Variants in ARB2A observed in about 807,000 individuals in gnomAD.
ARB2A encodes the protein ARB2 cotranscriptional regulator A.
the ARB2A span, among the ~76,000 whole-genome samples, chr5:93,939,368 T>C: frequency 6.6e-6 from 1 of 152,122 alleles, no homozygotes; most frequent in Non-Finnish European, 1.5e-5. Context: ...ATAATGGAAA[T>C]ACATAAATGC....
the ARB2A span, chr5:93,958,642 C>T: frequency 1.7e-6 from 1 of 600,948 alleles, no homozygotes; most frequent in Non-Finnish European, 2.5e-6. Context: ...AATAATCTTT[C>T]ATACAAGTAA....
chr5:93,923,866 T>C, the ARB2A span, among the ~76,000 whole-genome samples: 1 of 152,132 alleles, frequency 6.6e-6, no homozygotes, highest in Non-Finnish European at 1.5e-5. Flanking sequence ...GCACACCCTT[T>C]AAGTGAAACA....
At chr5:93,869,447 C>T in the ARB2A span, among the ~76,000 whole-genome samples, 1 of 152,106 alleles carries the variant, frequency 6.6e-6, no homozygotes, top group Non-Finnish European at 1.5e-5. Flanking sequence ...CAGAAATAGT[C>T]ATGGACAGAG....
chr5:94,069,434 G>A, the ARB2A span, among the ~76,000 whole-genome samples: 1 of 151,780 alleles, frequency 6.6e-6, no homozygotes, highest in Admixed American at 6.6e-5. Context: ...AAGACAAATG[G>A]GACTACATTA....
chr5:93,681,882 G>C, the ARB2A span, among the ~76,000 whole-genome samples: 1 of 152,078 alleles, frequency 6.6e-6, no homozygotes, highest in Non-Finnish European at 1.5e-5. Flanking sequence ...ATACAGAGTG[G>C]TTTACAAAAA....
chr5:94,040,417 A>C, the ARB2A span, among the ~76,000 whole-genome samples: 1 of 151,568 alleles, frequency 6.6e-6, no homozygotes, highest in African/African-American at 2.4e-5. Flanking sequence ...GGTTTGTTAC[A>C]TATGTATACA....
At chr5:93,635,592 AC>A in the ARB2A span, among the ~76,000 whole-genome samples, 1 of 151,250 alleles carries the variant, frequency 6.6e-6, no homozygotes, top group Non-Finnish European at 1.5e-5. Flanking sequence ...GGCGTGTACC[AC>A]CACACCTAGC....
chr5:93,891,579 C>T, the ARB2A span, among the ~76,000 whole-genome samples: 1 of 152,044 alleles, frequency 6.6e-6, no homozygotes. Context: ...CAAATGTATA[C>T]TCCAATTCTC....
the ARB2A span, among the ~76,000 whole-genome samples, chr5:93,729,616 C>T: frequency 5.3e-5 from 8 of 151,948 alleles, no homozygotes; most frequent in East Asian, 5.8e-4. Context: ...TGTGTATGTA[C>T]GTTTTTAGGA....
the ARB2A span, among the ~76,000 whole-genome samples, chr5:93,813,956 T>C: frequency 6.6e-5 from 10 of 152,206 alleles, no homozygotes; most frequent in Non-Finnish European, 1.5e-5. Flanking sequence ...TGATTAGAGA[T>C]TTCAGTATCT....
the ARB2A span, among the ~76,000 whole-genome samples, chr5:94,068,680 C>T: frequency 1.3e-5 from 2 of 151,912 alleles, no homozygotes; most frequent in African/African-American, 2.4e-5. Context: ...CCTGATTGGT[C>T]GGGTGTGAGC....
At chr5:94,007,976 A>G in the ARB2A span, among the ~76,000 whole-genome samples, 2 of 152,222 alleles carry the variant, frequency 1.3e-5, no homozygotes, top group East Asian at 3.9e-4. Context: ...AGATATAAGT[A>G]TTAAATAAGT....
chr5:94,080,316 C>T, the ARB2A span, among the ~76,000 whole-genome samples: 2 of 151,958 alleles, frequency 1.3e-5, no homozygotes, highest in African/African-American at 4.8e-5. Flanking sequence ...ATGTACATAA[C>T]TCCAGGCCAA....
chr5:93,939,200 T>C, the ARB2A span, among the ~76,000 whole-genome samples: 1 of 152,152 alleles, frequency 6.6e-6, no homozygotes, highest in Non-Finnish European at 1.5e-5. Context: ...AAGTTGCCAA[T>C]TGGGAATTTT....
chr5:93,928,499 A>C, the ARB2A span, among the ~76,000 whole-genome samples: 9 of 152,222 alleles, frequency 5.9e-5, no homozygotes, highest in Admixed American at 4.6e-4. Context: ...TGCAAAGCAC[A>C]ATGCTTATTA....
the ARB2A span, among the ~76,000 whole-genome samples, chr5:93,641,146 G>A: frequency 6.6e-6 from 1 of 151,206 alleles, no homozygotes; most frequent in African/African-American, 2.4e-5. Flanking sequence ...GTTGCAGTGA[G>A]CCTAGATCGC....
chr5:93,995,467 AT>A, the ARB2A span, among the ~76,000 whole-genome samples: 1 of 152,212 alleles, frequency 6.6e-6, no homozygotes, highest in Non-Finnish European at 1.5e-5. Context: ...TAATTGCTAA[AT>A]ATGTTACTAT....
the ARB2A span, among the ~76,000 whole-genome samples, chr5:93,675,116 G>A: frequency 1.3e-5 from 2 of 152,042 alleles, no homozygotes; most frequent in African/African-American, 4.8e-5. Context: ...TTAAAGGAAT[G>A]GGAACCAGAA....
At chr5:93,878,606 T>C in the ARB2A span, among the ~76,000 whole-genome samples, 25 of 152,100 alleles carry the variant, frequency 1.6e-4, no homozygotes, top group Middle Eastern at 3.4e-3. Context: ...GTATTAGTCA[T>C]ACTATTTGTA....
Sources: gnomAD v4.1 joint callset for allele counts (sites outside exome capture counted in the v4.1 genomes callset) on GRCh38, gnomAD v4.1.1 for gene constraint, MANE v1.5 for transcripts, NCBI Gene and HGNC (gene_info 2026-07-23, HGNC 2026-07-21) for gene names.